The following COG5 variants were observed in gnomAD, a reference collection of about 807,000 sequenced individuals.
COG5 encodes the protein component of oligomeric golgi complex 5.
In COG5, 86 loss-of-function variants were observed where a neutral mutation model predicts 110.4. That is an observed-to-expected ratio of 0.78 (90% CI 0.65 to 0.93). The LOEUF is 0.93. COG5 is among the 40% of genes least tolerant of loss of function. COG5 has a pLI of 0.00. For missense variants in COG5, 1,077 were observed against 987.0 expected (o/e 1.09, Z -1.22); for synonymous variants, 360 against 334.6 (o/e 1.08, Z -0.83).
intron 6 of COG5, among the ~76,000 whole-genome samples, chr7:107,455,681 T>A (rs1795620533): frequency 6.6e-6 from 1 of 151,956 alleles, no homozygotes; most frequent in Admixed American, 6.6e-5. Flanking sequence ...TGACTAGAGA[T>A]CATAGGGCAT....
rs530072276 is a variant in COG5, at chr7:107,563,867, T to G, written c.30A>C (p.Val10=). 1 of 1,613,626 alleles carries G rather than the reference T, an allele frequency of 6.2e-7. No individual in the cohort carries two copies. The highest frequency in any genetic ancestry group is 8.5e-7 in the Non-Finnish European group (1 of 1,179,944). The change falls in exon 1 of 22, where the codon GTA becomes GTC. Residue 10 remains valine, a synonymous_variant. Coordinates refer to ENST00000297135, the MANE Select transcript of COG5 (RefSeq NM_006348.5). The stretch of plus-strand genomic sequence containing the variant: ...CAGAGCCTCGAGCTCCGAGGCCAGC[T>G]ACAGCGACGCTGCCGCCGCCACCTT... MEGGGGSVA[V]AGLGARGSGA... is the part of the protein sequence containing the mutation.
In COG5 at chr7:107,301,844, G is replaced by C. The variant is rs1385838812; in HGVS notation, c.1109-3498C>G. 2.6e-5 allele frequency among the ~76,000 whole-genome samples: 4 copies of C among 152,026 alleles called. No individual in the cohort carries two copies. In the South Asian group the frequency reaches 6.2e-4, roughly 24 times the overall value. On this transcript the variant is annotated intron_variant, in intron 11 of 21. Coordinates refer to ENST00000297135, the MANE Select transcript of COG5 (RefSeq NM_006348.5). ...AGATCGTGCCACTGCACTCCAGCCT[G>C]GGCAACATAGTGAGACTCTGCCTCA...
Position 107,226,051 on chromosome 7 carries a change from C to A in COG5, c.2168+4564G>T, listed in dbSNP as rs940324502. 7.0e-4 allele frequency among the ~76,000 whole-genome samples: 107 copies of A among 151,826 alleles called. 3 individuals are homozygous for A. The highest frequency in any genetic ancestry group is 1.7e-3 in the Admixed American group (26 of 15,254). On this transcript the variant is annotated intron_variant, in intron 19 of 21. Transcript: ENST00000297135. ...AAAGCGAGACATCATCACACACACA[C>A]AAAAAAACAATAAAAAAAATAGTAG...
At chr7:107,561,286 C>CT (rs1324669332) in intron 1 of COG5, among the ~76,000 whole-genome samples, 3 of 152,204 alleles carry the variant, frequency 2.0e-5, no homozygotes, top group African/African-American at 7.2e-5. Context: ...ATCCGATACT[C>CT]TGTCATTGGC....
At chr7:107,455,098 T>C (rs568435468) in intron 6 of COG5, among the ~76,000 whole-genome samples, 2 of 152,296 alleles carry the variant, frequency 1.3e-5, no homozygotes, top group East Asian at 1.9e-4. Context: ...CAACTAAAAG[T>C]ACATAATAAG....
At chr7:107,397,390 A>G (rs1473577983) in intron 7 of COG5, among the ~76,000 whole-genome samples, 1 of 152,224 alleles carries the variant, frequency 6.6e-6, no homozygotes, top group African/African-American at 2.4e-5. Context: ...TAGTTGAAAC[A>G]ATGTTAGCAC....
intron 2 of COG5, among the ~76,000 whole-genome samples, chr7:107,556,445 T>C (rs749811190): frequency 3.9e-5 from 6 of 152,208 alleles, no homozygotes; most frequent in Non-Finnish European, 5.9e-5. Context: ...TGATGGTAAA[T>C]ACATTTTAAG....
intron 1 of COG5, among the ~76,000 whole-genome samples, chr7:107,559,973 A>G (rs537760607): frequency 8.5e-5 from 13 of 152,388 alleles, no homozygotes; most frequent in African/African-American, 3.1e-4. Context: ...ATGTTTAACC[A>G]TATCTCATTT....
At chr7:107,494,999 G>T (rs757744369) in intron 6 of COG5, among the ~76,000 whole-genome samples, 8 of 152,074 alleles carry the variant, frequency 5.3e-5, no homozygotes, top group South Asian at 2.1e-4. Flanking sequence ...ACATATGCGT[G>T]GCAGAGATCC....
chr7:107,236,509 T>C lies in COG5; in HGVS notation c.2032A>G (p.Ser678Gly), dbSNP rs749237591. The C allele has an allele frequency of 6.2e-7, 1 of 1,614,216 alleles. No homozygotes were observed. Among genetic ancestry groups the C allele is most frequent in the African/African-American group, 1.3e-5 (1 of 75,066 alleles). Residue 678 changes from serine (S) to glycine (G), a missense_variant, in exon 18 of 22, where the codon AGT becomes GGT. Transcript: ENST00000297135. ...RAVELFIRHASLIRPLGEGGK... is the reference protein window; with the variant it reads ...RAVELFIRHAGLIRPLGEGGK... ...CCTTCACCAAGAGGTCTTATGAGACTGGCATGGCGGATAAAAAGTTCAACA... is the reference window on the plus strand; with the variant it reads ...CCTTCACCAAGAGGTCTTATGAGACCGGCATGGCGGATAAAAAGTTCAACA...
At chr7:107,214,576 T>C (rs73415415) in intron 19 of COG5, among the ~76,000 whole-genome samples, 4,088 of 152,194 alleles carry the variant, frequency 0.027, 183 homozygotes, top group African/African-American at 0.091. Context: ...AGAAGTGTAA[T>C]AGTGGTCTGT....
chr7:107,544,138 A>C (rs1802248749), intron 5 of COG5, among the ~76,000 whole-genome samples: 1 of 151,914 alleles, frequency 6.6e-6, no homozygotes, highest in Non-Finnish European at 1.5e-5. Flanking sequence ...AGGCTCCAGG[A>C]CCACCCTTGC....
chr7:107,341,650 A>C (rs548289662), intron 10 of COG5, among the ~76,000 whole-genome samples: 1 of 152,340 alleles, frequency 6.6e-6, no homozygotes, highest in African/African-American at 2.4e-5. Context: ...ATGGTAAGCA[A>C]AACAGCATGG....
chr7:107,367,790 T>C (rs113042485), intron 8 of COG5, among the ~76,000 whole-genome samples: 132 of 149,350 alleles, frequency 8.8e-4, no homozygotes, highest in African/African-American at 3.1e-3. Context: ...AATGGGAGAG[T>C]AGGAGGGATG....
intron 7 of COG5, among the ~76,000 whole-genome samples, chr7:107,386,582 G>A (rs770916310): frequency 5.9e-5 from 9 of 152,134 alleles, no homozygotes; most frequent in Non-Finnish European, 1.2e-4. Context: ...TCAGGCTGAG[G>A]GTTCATGATG....
intron 14 of COG5, among the ~76,000 whole-genome samples, chr7:107,276,814 T>C (rs1804738000): frequency 1.3e-5 from 2 of 152,240 alleles, no homozygotes; most frequent in Non-Finnish European, 2.9e-5. Context: ...TAGGTATATG[T>C]GTATTTGAAA....
intron 18 of COG5, among the ~76,000 whole-genome samples, chr7:107,233,803 T>C (rs770717972): frequency 3.3e-5 from 5 of 152,160 alleles, no homozygotes; most frequent in Non-Finnish European, 7.3e-5. Flanking sequence ...GTCATGAATA[T>C]AAATGTTAGA....
At position 107,343,869 on chromosome 7, in the gene COG5, A is replaced by AT. The variant is rs150416732; in HGVS notation, c.1026+18163dup. On this transcript the variant is annotated intron_variant, in intron 10 of 21. Coordinates refer to ENST00000297135, the MANE Select transcript of COG5 (RefSeq NM_006348.5). The stretch of plus-strand genomic sequence containing the variant: ...CAATGATGAGTAATAGTTTGAAAGG[A>AT]TTTTTTTTTTTTTTCTGAGCAGGTC... Among the ~76,000 whole-genome samples the AT allele has an allele frequency of 4.5e-3, 651 of 145,664 alleles. 2 individuals are homozygous for AT. The highest frequency in any genetic ancestry group is 9.2e-3 in the African/African-American group (367 of 40,038).
intron 17 of COG5, among the ~76,000 whole-genome samples, chr7:107,246,088 A>G (rs1802033982): frequency 1.3e-5 from 2 of 152,228 alleles, no homozygotes; most frequent in African/African-American, 4.8e-5. Context: ...GATCTTCAAC[A>G]ATGCTGACAA....
Sources: allele counts gnomAD v4.1 joint callset (sites outside exome capture counted in the v4.1 genomes callset), GRCh38; gene constraint gnomAD v4.1.1; transcripts MANE v1.5; gene names NCBI Gene and HGNC (gene_info 2026-07-23, HGNC 2026-07-21).